FRMD4B: variants seen among roughly 807,000 people sequenced by gnomAD.
FRMD4B encodes FERM domain containing 4B, also known as FERM domain-containing protein 4B.
In FRMD4B, 74 loss-of-function variants were observed where a neutral mutation model predicts 141.5. The observed-to-expected ratio is 0.52, with a 90% CI of 0.43 to 0.63. FRMD4B has a LOEUF of 0.63. FRMD4B is among the 30% of genes least tolerant of loss of function. The probability of loss-of-function intolerance (pLI) is 0.00; values close to 1 mark genes in which losing one functional copy is unlikely to be tolerated. For synonymous variants in FRMD4B, 506 were observed against 467.9 expected (o/e 1.08, Z -1.05); for missense variants, 1,366 against 1,253.4 (o/e 1.09, Z -1.36).
rs1040550630 is a variant in FRMD4B, at chr3:69,232,914, G to T, written c.582-8224C>A. Among the ~76,000 whole-genome samples, 84 of 128,794 alleles carry T rather than the reference G, an allele frequency of 6.5e-4. 1 individual carries two copies. The highest frequency in any genetic ancestry group is 1.1e-3 in the African/African-American group (39 of 35,098). 84.5% of individuals were successfully genotyped at this position (128,794 alleles called of 152,430 possible). On this transcript the variant is annotated intron_variant, in intron 7 of 22. Coordinates refer to ENST00000398540, the MANE Select transcript of FRMD4B (RefSeq NM_015123.3). ...GTTGCAAATTTCACTTTTGTTGTTT[G>T]TTTTTTTTTTTTTTTTTGGTAGGGA...
chr3:69,473,626 G>A, intron 1 of FRMD4B, among the ~76,000 whole-genome samples: 1 of 151,942 alleles, frequency 6.6e-6, no homozygotes, highest in African/African-American at 2.4e-5. Context: ...ACATCCTTAG[G>A]TTTTTGTGTC....
chr3:69,226,055 T>C (rs553500884), intron 7 of FRMD4B, among the ~76,000 whole-genome samples: 1 of 152,262 alleles, frequency 6.6e-6, no homozygotes, highest in South Asian at 2.1e-4. Flanking sequence ...TAGATACTAT[T>C]ATTATCTATT....
In FRMD4B at chr3:69,189,900, A is replaced by C. The variant is rs776636132; in HGVS notation, c.1767T>G (p.Asp589Glu). The C allele has an allele frequency of 6.3e-7, 1 of 1,586,310 alleles. No individual in the cohort carries two copies. Among genetic ancestry groups the C allele is most frequent in the South Asian group, 1.1e-5 (1 of 90,102 alleles). ...AAAAAAGGAAGAGCCACTTACGATCATCATAGGTGGTGGTGTCAGACAAAG... is the reference window on the plus strand; with the variant it reads ...AAAAAAGGAAGAGCCACTTACGATCCTCATAGGTGGTGGTGTCAGACAAAG... ...SSSLSDTTTY[D>E]DPSDAFTFPG... The change falls in exon 18 of 23, where the codon GAT becomes GAG. Residue 589 changes from aspartate (D) to glutamate (E), a missense_variant. By Grantham distance (45) the Asp-to-Glu change is conservative (BLOSUM62 2). Coordinates refer to ENST00000398540, the MANE Select transcript of FRMD4B (RefSeq NM_015123.3).
intron 1 of FRMD4B, among the ~76,000 whole-genome samples, chr3:69,445,183 C>T (rs1369569345): frequency 6.6e-6 from 1 of 152,120 alleles, no homozygotes; most frequent in Non-Finnish European, 1.5e-5. Context: ...GCTGAAAAGG[C>T]TCATAAAAAG....
intron 1 of FRMD4B, chr3:69,536,665 T>A: frequency 2.3e-6 from 2 of 888,456 alleles, no homozygotes. Flanking sequence ...GAGAGTGAGA[T>A]GTCACTGGTG....
intron 1 of FRMD4B, among the ~76,000 whole-genome samples, chr3:69,491,563 T>C (rs1438178998): frequency 6.6e-6 from 1 of 152,182 alleles, no homozygotes; most frequent in African/African-American, 2.4e-5. Context: ...CCTGAACTTC[T>C]CTTCTGCAAA....
intron 1 of FRMD4B, among the ~76,000 whole-genome samples, chr3:69,314,064 G>A (rs1165049046): frequency 1.5e-5 from 2 of 135,614 alleles, no homozygotes; most frequent in Non-Finnish European, 1.5e-5. Context: ...GCGTGAACCC[G>A]GGAGGCGGAG....
At chr3:69,517,695 T>C (rs922888820) in intron 1 of FRMD4B, among the ~76,000 whole-genome samples, 3 of 152,154 alleles carry the variant, frequency 2.0e-5, no homozygotes, top group Non-Finnish European at 4.4e-5. Context: ...AAATCCACCC[T>C]GCATGCCCCA....
intron 1 of FRMD4B, 119 bp downstream of exon 1, chr3:69,385,709 A>G: frequency 1.2e-6 from 1 of 853,568 alleles, no homozygotes; most frequent in Non-Finnish European, 1.7e-6. Context: ...CCAAGGGCCA[A>G]GCAGTCTGCT....
intron 7 of FRMD4B, among the ~76,000 whole-genome samples, chr3:69,231,650 G>C (rs975758138): frequency 3.3e-5 from 5 of 152,172 alleles, no homozygotes; most frequent in African/African-American, 1.2e-4. Flanking sequence ...TATTCTATGT[G>C]ATATAATTCA....
chr3:69,274,126 G>A (rs1222598020), intron 5 of FRMD4B, among the ~76,000 whole-genome samples: 1 of 152,096 alleles, frequency 6.6e-6, no homozygotes, highest in Non-Finnish European at 1.5e-5. Flanking sequence ...CAGGGTGAGT[G>A]TGCAAAGAGC....
chr3:69,461,702 G>T (rs1327552891), intron 1 of FRMD4B, among the ~76,000 whole-genome samples: 2 of 150,786 alleles, frequency 1.3e-5, no homozygotes, highest in Non-Finnish European at 2.9e-5. Flanking sequence ...ACAGTTAAGG[G>T]GTGTTTATAA....
chr3:69,207,474 T>C (rs2093034334), intron 11 of FRMD4B, among the ~76,000 whole-genome samples: 1 of 152,174 alleles, frequency 6.6e-6, no homozygotes, highest in Non-Finnish European at 1.5e-5. Context: ...GTGCCAACAG[T>C]TCAACCATGT....
chr3:69,399,384 C>T (rs1185513238), intron 2 of FRMD4B, among the ~76,000 whole-genome samples: 2 of 152,212 alleles, frequency 1.3e-5, no homozygotes, highest in African/African-American at 4.8e-5. Context: ...AGAACTGCTT[C>T]GACAGGCAAT....
chr3:69,309,633 T>C (rs1701510043), intron 3 of FRMD4B, among the ~76,000 whole-genome samples: 1 of 137,540 alleles, frequency 7.3e-6, no homozygotes, highest in Non-Finnish European at 1.6e-5. Context: ...TTTTTGTAGA[T>C]ATGGGGTCTC....
chr3:69,526,177 C>T (rs908858859), intron 1 of FRMD4B, among the ~76,000 whole-genome samples: 1 of 152,078 alleles, frequency 6.6e-6, no homozygotes, highest in Non-Finnish European at 1.5e-5. Context: ...CAGAAGTAGC[C>T]CTCAGTTAAC....
At chr3:69,261,918 T>A (rs1361403639) in intron 5 of FRMD4B, among the ~76,000 whole-genome samples, 1 of 151,154 alleles carries the variant, frequency 6.6e-6, no homozygotes, top group Non-Finnish European at 1.5e-5. Flanking sequence ...TGATCAGCCC[T>A]CCTTGGCCTC....
rs984357533 is a variant in FRMD4B, at chr3:69,218,510, A to G, written c.732-131T>C. ...AATAATTAATATGTTTCACTCAAGT[A>G]GAAACAGAATAAACCATTTTGGGGA... is the stretch of plus-strand genomic sequence containing the variant. On this transcript the variant is annotated intron_variant, in intron 9 of 22. Transcript: ENST00000398540. 7.1e-6 allele frequency: 4 copies of G among 566,188 alleles called. No individual in the cohort carries two copies. The African/African-American group carries it at 7.8e-5, about 11-fold the overall frequency. The allele number at this position is 566,188 out of a possible 1,614,324, so 35.1% of individuals were successfully genotyped here.
At chr3:69,193,594 AC>A in intron 17 of FRMD4B, 53 bp downstream of exon 17, 2 of 926,448 alleles carry the variant, frequency 2.2e-6, no homozygotes, top group South Asian at 3.0e-5. Context: ...AATGCTATAT[AC>A]CATGAAGTAC....
Sources: gnomAD v4.1 joint callset for allele counts (sites outside exome capture counted in the v4.1 genomes callset) on GRCh38, gnomAD v4.1.1 for gene constraint, MANE v1.5 for transcripts, NCBI Gene and HGNC (gene_info 2026-07-23, HGNC 2026-07-21) for gene names.